GABRB2: variants seen among roughly 807,000 people sequenced by gnomAD.
GABRB2 encodes gamma-aminobutyric acid receptor subunit beta-2.
GABRB2 carries 16 observed loss-of-function variants against 54.7 expected under a neutral mutation model. The ratio of observed to expected loss-of-function variants is 0.29; its 90% confidence interval spans 0.20 to 0.44. The LOEUF (loss-of-function observed/expected upper bound fraction) is 0.44. GABRB2 is among the 20% of genes least tolerant of loss of function. The probability of loss-of-function intolerance (pLI) is 1.00; values close to 1 mark genes in which losing one functional copy is unlikely to be tolerated. For missense variants in GABRB2, 355 were observed against 644.0 expected (o/e 0.55, Z 4.86); for synonymous variants, 244 against 233.8 (o/e 1.04, Z -0.40).
chr5:161,526,071 G>T (rs1760269738), intron 3 of GABRB2, among the ~76,000 whole-genome samples: 1 of 151,296 alleles, frequency 6.6e-6, no homozygotes, highest in Non-Finnish European at 1.5e-5. Flanking sequence ...ACAATTCAAT[G>T]AAAGACTTTC....
chr5:161,503,515 C>T (rs1238338704), intron 3 of GABRB2, among the ~76,000 whole-genome samples: 7 of 151,926 alleles, frequency 4.6e-5, no homozygotes, highest in Admixed American at 4.6e-4. Context: ...TTGAGAACAG[C>T]CTGACCAACT....
rs528660004 is a variant in GABRB2, at chr5:161,480,084, T to C, written c.238-20240A>G. Among the ~76,000 whole-genome samples the C allele has an allele frequency of 6.6e-5, 10 of 152,142 alleles. No homozygotes were observed. In the East Asian group the frequency reaches 1.9e-3, roughly 30 times the overall value. ...TGCCACTACCACTACCTCACTGTTA[T>C]CGTTTTGAGGCCATCAAATGTCAGT... On this transcript the variant is annotated intron_variant, in intron 3 of 9. Transcript: ENST00000393959.
intron 5 of GABRB2, among the ~76,000 whole-genome samples, chr5:161,407,377 A>G (rs1756375974): frequency 6.6e-6 from 1 of 152,084 alleles, no homozygotes; most frequent in Admixed American, 6.6e-5. Flanking sequence ...TCACAGTGTA[A>G]TGAGTTTCAA....
intron 4 of GABRB2, among the ~76,000 whole-genome samples, chr5:161,416,360 G>A (rs943511538): frequency 6.6e-6 from 1 of 152,026 alleles, no homozygotes; most frequent in Non-Finnish European, 1.5e-5. Flanking sequence ...TAATCAAGGT[G>A]ACATAACTTG....
At chr5:161,347,600 T>C (rs1313590807) in intron 5 of GABRB2, among the ~76,000 whole-genome samples, 3 of 152,024 alleles carry the variant, frequency 2.0e-5, no homozygotes, top group Non-Finnish European at 4.4e-5. Flanking sequence ...ATGAGGGCCA[T>C]GTGATTCAGT....
At chr5:161,479,033 G>A (rs1385164476) in intron 3 of GABRB2, among the ~76,000 whole-genome samples, 2 of 151,992 alleles carry the variant, frequency 1.3e-5, no homozygotes, top group Admixed American at 1.3e-4. Flanking sequence ...TAGAACCTGA[G>A]AGGAAGACCA....
intron 5 of GABRB2, among the ~76,000 whole-genome samples, chr5:161,393,557 A>T (rs897224938): frequency 4.6e-5 from 7 of 151,978 alleles, no homozygotes; most frequent in Non-Finnish European, 1.0e-4. Flanking sequence ...AAAAATAAAC[A>T]AAGAGAAAAA....
At chr5:161,465,254 GA>G (rs958872961) in intron 3 of GABRB2, among the ~76,000 whole-genome samples, 15 of 149,814 alleles carry the variant, frequency 1.0e-4, no homozygotes, top group East Asian at 2.0e-4. Context: ...CATCTGGAGG[GA>G]AAAAAAAAGG....
intron 4 of GABRB2, among the ~76,000 whole-genome samples, chr5:161,451,917 C>T (rs1454048363): frequency 6.6e-6 from 1 of 151,996 alleles, no homozygotes; most frequent in Non-Finnish European, 1.5e-5. Flanking sequence ...TTCATAAGAA[C>T]TATAGTTTCT....
At chr5:161,522,824 T>TA in intron 3 of GABRB2, among the ~76,000 whole-genome samples, 1 of 151,672 alleles carries the variant, frequency 6.6e-6, no homozygotes, top group Non-Finnish European at 1.5e-5. Flanking sequence ...TTTTGACCAT[T>TA]AAATTTTAAT....
At chr5:161,368,505 A>C (rs1488955635) in intron 5 of GABRB2, among the ~76,000 whole-genome samples, 1 of 152,182 alleles carries the variant, frequency 6.6e-6, no homozygotes, top group African/African-American at 2.4e-5. Flanking sequence ...ATTCTGTAAA[A>C]AATTCTACTA....
chr5:161,546,297 C>T, intron 2 of GABRB2, 25 bp downstream of exon 2: 1 of 1,597,708 alleles, frequency 6.3e-7, no homozygotes, highest in Non-Finnish European at 8.6e-7. Flanking sequence ...TGTGGCTGGA[C>T]TTATTTGCAA....
At chr5:161,301,409 ACTTT>A (rs955437759) in intron 9 of GABRB2, among the ~76,000 whole-genome samples, 3 of 151,054 alleles carry the variant, frequency 2.0e-5, no homozygotes, top group African/African-American at 7.3e-5. Flanking sequence ...AAACCACTAA[ACTTT>A]CTTTCTTTCT....
Position 161,497,656 on chromosome 5 carries a change from A to C in GABRB2, c.238-37812T>G, listed in dbSNP as rs186724579. Among the ~76,000 whole-genome samples the C allele has an allele frequency of 4.9e-4, 75 of 152,200 alleles. 1 individual carries two copies. In the East Asian group the frequency reaches 0.011, roughly 23 times the overall value. On this transcript the variant is annotated intron_variant, in intron 3 of 9. Coordinates refer to ENST00000393959, the MANE Select transcript of GABRB2 (RefSeq NM_001371727.1). The stretch of plus-strand genomic sequence containing the variant: ...CAAAGCCTAGACTATGAGACAGCAC[A>C]ATCAAGACAATAATACCAACATCAT...
chr5:161,394,204 T>G (rs1447276878), intron 5 of GABRB2, among the ~76,000 whole-genome samples: 1 of 152,010 alleles, frequency 6.6e-6, no homozygotes, highest in Non-Finnish European at 1.5e-5. Flanking sequence ...GGAAAGTGAA[T>G]AAAGCAGAGT....
chr5:161,427,049 T>C (rs1757020865), intron 4 of GABRB2, among the ~76,000 whole-genome samples: 1 of 152,218 alleles, frequency 6.6e-6, no homozygotes, highest in South Asian at 2.1e-4. Flanking sequence ...GACTTTTTCC[T>C]ATCTATGTCT....
intron 9 of GABRB2, among the ~76,000 whole-genome samples, chr5:161,310,376 C>T (rs770962834): frequency 1.3e-5 from 2 of 152,216 alleles, no homozygotes; most frequent in Non-Finnish European, 1.5e-5. Context: ...AAAAATAAAT[C>T]TCCATCTCTC....
In GABRB2 at chr5:161,546,375, G is replaced by A. The variant is rs1225961343; in HGVS notation, c.116C>T (p.Thr39Met). ...ATAGCCTTTCAGGAGTCTATCCACC[G>A]TCTCTTTAACCAGCGACATATTACT... ...DPSNMSLVKE[T>M]VDRLLKGYDI... The change falls in exon 2 of 10, where the codon ACG becomes ATG. Residue 39 changes from threonine (T) to methionine (M), a missense_variant. Physicochemically the swap from Thr to Met is moderately conservative, Grantham distance 81 (BLOSUM62 -1). This residue lies in a region of GABRB2 where 42 missense variants were observed against 99.7 expected (regional missense o/e 0.42). Transcript: ENST00000393959. 6.2e-7 allele frequency: 1 copy of A among 1,614,116 alleles called. No individual in the cohort carries two copies. Among genetic ancestry groups the A allele is most frequent in the Non-Finnish European group, 8.5e-7 (1 of 1,179,992 alleles).
At chr5:161,446,009 T>G (rs1364251063) in intron 4 of GABRB2, among the ~76,000 whole-genome samples, 1 of 152,152 alleles carries the variant, frequency 6.6e-6, no homozygotes, top group Non-Finnish European at 1.5e-5. Flanking sequence ...ATATTTCAAT[T>G]CAAATGTCAC....
Sources: allele counts gnomAD v4.1 joint callset (sites outside exome capture counted in the v4.1 genomes callset), GRCh38; gene constraint gnomAD v4.1.1; regional missense constraint gnomAD v4.1.1; transcripts MANE v1.5; gene names NCBI Gene and HGNC (gene_info 2026-07-23, HGNC 2026-07-21).